USP54: variants seen among roughly 807,000 people sequenced by gnomAD.
USP54 encodes the protein ubiquitin specific peptidase 54.
Under a neutral mutation model 170.5 loss-of-function variants are expected in USP54, and 87 were observed. That is an observed-to-expected ratio of 0.51 (90% CI 0.43 to 0.61). USP54 has a LOEUF of 0.61. Among genes scored for constraint, USP54 ranks in the 20% least tolerant of loss-of-function variants. The pLI is 0.00. For missense variants in USP54, 1,786 were observed against 2,047.8 expected, an observed-to-expected ratio of 0.87 and a Z score of 2.47; for synonymous variants, 655 against 742.8, an observed-to-expected ratio of 0.88 and a Z score of 1.92.
In USP54 at chr10:73,516,567, G is replaced by A. The variant is rs548401870; in HGVS notation, c.3859C>T (p.Pro1287Ser). 5 of 1,614,176 alleles carry A rather than the reference G, an allele frequency of 3.1e-6. No individual in the cohort carries two copies. In the South Asian group the frequency reaches 4.4e-5, roughly 14 times the overall value. ...GTTACACACGTATGGGAATCATGAGGGGAGGACTTCATTCCTGGCCTAGGT... is the reference window on the plus strand; with the variant it reads ...GTTACACACGTATGGGAATCATGAGAGGAGGACTTCATTCCTGGCCTAGGT... ...GAPRPGMKSSPHDSHTCVTYP... is the reference protein window; with the variant it reads ...GAPRPGMKSSSHDSHTCVTYP... Residue 1287 changes from proline to serine, a missense_variant, in exon 20 of 24, where the codon CCT becomes TCT. Physicochemically the swap from Pro to Ser is moderately conservative, Grantham distance 74. This residue lies in a region of USP54 where 1,418 missense variants were observed against 1,569.0 expected (regional missense o/e 0.90). Transcript: ENST00000687698.
At chr10:73,580,333 A>AG (rs2076732760) in intron 1 of USP54, among the ~76,000 whole-genome samples, 1 of 151,606 alleles carries the variant, frequency 6.6e-6, no homozygotes, top group African/African-American at 2.4e-5. Flanking sequence ...AAAAAAAAAA[A>AG]AAGAAAGAAA....
At chr10:73,563,331 T>C (rs552350586) in intron 4 of USP54, among the ~76,000 whole-genome samples, 3 of 152,280 alleles carry the variant, frequency 2.0e-5, no homozygotes, top group South Asian at 4.1e-4. Context: ...AGATTACTAA[T>C]GGGGGCAAGC....
upstream of USP54, among the ~76,000 whole-genome samples, chr10:73,595,773 T>G (rs2078673966): frequency 6.6e-6 from 1 of 151,974 alleles, no homozygotes; most frequent in Non-Finnish European, 1.5e-5. Context: ...AGTATGAAAA[T>G]CCCTCTCAAG....
At chr10:73,604,562 G>A (rs940042301) in intron 1 of USP54, among the ~76,000 whole-genome samples, 2 of 151,116 alleles carry the variant, frequency 1.3e-5, no homozygotes, top group African/African-American at 4.9e-5. Flanking sequence ...AGACAAGGCT[G>A]GGCAACATAG....
At chr10:73,505,461 T>A (rs1056442265) in intron 20 of USP54, 35 bp from the exon 21 acceptor site, 10 of 1,586,146 alleles carry the variant, frequency 6.3e-6, no homozygotes, top group Admixed American at 5.0e-5. Context: ...GTTGAGGCCA[T>A]CTCTTCCCCT....
intron 11 of USP54, among the ~76,000 whole-genome samples, chr10:73,535,427 G>C (rs1443239183): frequency 1.3e-5 from 2 of 152,014 alleles, no homozygotes; most frequent in African/African-American, 2.4e-5. Context: ...GTACAAAGGG[G>C]AGAAAGAAAG....
At chr10:73,609,912 A>C (rs956892694) in intron 1 of USP54, among the ~76,000 whole-genome samples, 1 of 151,006 alleles carries the variant, frequency 6.6e-6, no homozygotes, top group Admixed American at 6.6e-5. Context: ...CAGGAGGCTG[A>C]GGCAGGAGAA....
chr10:73,553,430 C>T (rs2070121148), intron 4 of USP54: 1 of 152,388 alleles, frequency 6.6e-6, no homozygotes, highest in South Asian at 2.1e-4. Flanking sequence ...CACAAAGCCC[C>T]TCTGTTAGAG....
chr10:73,505,036 T>TA (rs1205406149), intron 21 of USP54, 46 bp from the exon 22 acceptor site: 3 of 1,610,156 alleles, frequency 1.9e-6, no homozygotes, highest in South Asian at 2.2e-5. Context: ...ATACCAGACT[T>TA]ATGGTTTTCC....
intron 20 of USP54, among the ~76,000 whole-genome samples, chr10:73,511,488 C>T (rs1453420542): frequency 6.6e-6 from 1 of 151,222 alleles, no homozygotes; most frequent in East Asian, 2.0e-4. Context: ...GGTGAAACCC[C>T]GTCTCTACAA....
At chr10:73,588,460 G>T (rs921276620) in intron 1 of USP54, among the ~76,000 whole-genome samples, 37 of 152,250 alleles carry the variant, frequency 2.4e-4, no homozygotes, top group African/African-American at 8.2e-4. Flanking sequence ...CTGACCTCAA[G>T]CGATCCGCCC....
At chr10:73,514,193 T>C (rs1038212613) in intron 20 of USP54, among the ~76,000 whole-genome samples, 22 of 152,076 alleles carry the variant, frequency 1.4e-4, no homozygotes. Context: ...CCTGACCTCA[T>C]GATCCGCCCA....
intron 4 of USP54, among the ~76,000 whole-genome samples, chr10:73,567,864 A>T (rs2074207360): frequency 6.6e-6 from 1 of 152,152 alleles, no homozygotes; most frequent in African/African-American, 2.4e-5. Context: ...ATTTACAATG[A>T]CTAGAATCTA....
intron 22 of USP54, among the ~76,000 whole-genome samples, chr10:73,503,259 C>G (rs1002515678): frequency 6.6e-6 from 1 of 152,210 alleles, no homozygotes; most frequent in Non-Finnish European, 1.5e-5. Context: ...TTCCATGATA[C>G]CTCAAGCCTG....
chr10:73,508,602 A>T (rs2059620279), intron 20 of USP54, among the ~76,000 whole-genome samples: 1 of 152,066 alleles, frequency 6.6e-6, no homozygotes, highest in Admixed American at 6.6e-5. Flanking sequence ...TAAAATTTGT[A>T]TCTGATTTTA....
chr10:73,583,347 G>A (rs1045897431), intron 1 of USP54, among the ~76,000 whole-genome samples: 2 of 152,192 alleles, frequency 1.3e-5, no homozygotes, highest in East Asian at 1.9e-4. Flanking sequence ...GTAAAATGGC[G>A]CGATCTTGGC....
chr10:73,505,249 A>G, intron 21 of USP54, 59 bp downstream of exon 21: 2 of 1,517,274 alleles, frequency 1.3e-6, no homozygotes, highest in East Asian at 2.3e-5. Context: ...ACATCTCTCC[A>G]TAATTCCTTC....
chr10:73,600,360 T>C (rs775165978), intron 1 of USP54, among the ~76,000 whole-genome samples: 35 of 152,128 alleles, frequency 2.3e-4, no homozygotes, highest in Non-Finnish European at 2.1e-4. Context: ...TAAAAGGACA[T>C]GGTAGATCCT....
intron 19 of USP54, chr10:73,519,508 A>G (rs1185439622): frequency 5.1e-6 from 2 of 394,576 alleles, no homozygotes; most frequent in African/African-American, 4.1e-5. Context: ...CATAATATAT[A>G]CAAATATAAT....
Sources: gnomAD v4.1 joint callset for allele counts (sites outside exome capture counted in the v4.1 genomes callset) on GRCh38, gnomAD v4.1.1 for gene constraint, gnomAD v4.1.1 regional missense constraint, MANE v1.5 for transcripts, NCBI Gene and HGNC (gene_info 2026-07-23, HGNC 2026-07-21) for gene names.